MSH3: variants seen among roughly 807,000 people sequenced by gnomAD.
MSH3 encodes mutS homolog 3, also known as DNA mismatch repair protein Msh3.
In MSH3, 106 loss-of-function variants were observed where a neutral mutation model predicts 123.3. The ratio of observed to expected loss-of-function variants is 0.86; its 90% CI spans 0.73 to 1.01. The LOEUF is 1.01. Ranked by LOEUF, MSH3 falls within the 50% of genes least tolerant of loss-of-function variation. The pLI is 0.00. For synonymous variants in MSH3, 515 were observed against 481.4 expected (o/e 1.07, Z -0.91); for missense variants, 1,459 against 1,347.6 (o/e 1.08, Z -1.29).
rs1744630680 is a variant in MSH3 at position 80,792,782 on chromosome 5, C to G, written c.2593C>G (p.Pro865Ala). The G allele has an allele frequency of 6.2e-7, 1 of 1,613,184 alleles. No homozygotes were observed. Among genetic ancestry groups the G allele is most frequent in the Middle Eastern group, 1.7e-4 (1 of 6,046 alleles). ...RKIVIKNGRH[P>A]VIDVLLGEQD... Reference sequence around the variant, plus strand: ...AATTGTAATAAAAAATGGAAGGCACCCTGTGATTGATGTGTTGCTGGGAGA... The same window carrying G: ...AATTGTAATAAAAAATGGAAGGCACGCTGTGATTGATGTGTTGCTGGGAGA... The change falls in exon 19 of 24, where the codon CCT (proline) becomes GCT (alanine). Residue 865 changes from proline (P) to alanine (A), a missense_variant. Physicochemically the swap from Pro to Ala is conservative, Grantham distance 27. Coordinates refer to ENST00000265081, the MANE Select transcript of MSH3 (RefSeq NM_002439.5).
At chr5:80,658,206 G>A (rs986752415) in intron 2 of MSH3, among the ~76,000 whole-genome samples, 7 of 151,520 alleles carry the variant, frequency 4.6e-5, no homozygotes, top group African/African-American at 1.7e-4. Context: ...TTACAGGTGC[G>A]TGCCACCACA....
intron 8 of MSH3, among the ~76,000 whole-genome samples, chr5:80,709,768 TTTC>T (rs1324190729): frequency 1.3e-5 from 2 of 152,196 alleles, no homozygotes; most frequent in Non-Finnish European, 2.9e-5. Flanking sequence ...AGGAACTTCT[TTTC>T]TTCTTGTATT....
Position 80,722,395 on chromosome 5 carries a change from G to C in MSH3, c.1341-3058G>C, listed in dbSNP as rs141362265. Among the ~76,000 whole-genome samples the C allele has an allele frequency of 3.3e-3, 497 of 152,296 alleles. 5 individuals are homozygous for C. The highest frequency in any genetic ancestry group is 0.011 in the African/African-American group (477 of 41,566). Reference sequence around the variant, plus strand: ...CTTTACTTTACAGATAACTTTTGATGTTCTTAGATCATTAGATATACCTAC... The same window carrying C: ...CTTTACTTTACAGATAACTTTTGATCTTCTTAGATCATTAGATATACCTAC... On this transcript the variant is annotated intron_variant, in intron 8 of 23. Coordinates refer to ENST00000265081, the MANE Select transcript of MSH3 (RefSeq NM_002439.5).
intron 17 of MSH3, among the ~76,000 whole-genome samples, chr5:80,779,314 A>C (rs1744367199): frequency 6.6e-6 from 1 of 152,026 alleles, no homozygotes; most frequent in South Asian, 2.1e-4. Context: ...CTTAAAATCT[A>C]CTGAAAGTTA....
At chr5:80,697,137 G>T (rs553988397) in intron 8 of MSH3, among the ~76,000 whole-genome samples, 2 of 152,200 alleles carry the variant, frequency 1.3e-5, no homozygotes, top group South Asian at 2.1e-4. Flanking sequence ...TACGAAGCTT[G>T]CCCTTTCTTG....
intron 20 of MSH3, among the ~76,000 whole-genome samples, chr5:80,839,430 C>T (rs1382633994): frequency 2.0e-5 from 3 of 152,076 alleles, no homozygotes; most frequent in East Asian, 1.9e-4. Context: ...TATCTGGGCA[C>T]GCTCTATATT....
chr5:80,764,816 G>A lies in MSH3; in HGVS notation c.1897-3117G>A, dbSNP rs553082032. Among the ~76,000 whole-genome samples, 9 of 152,120 alleles carry A rather than the reference G, an allele frequency of 5.9e-5. No individual in the cohort carries two copies. In the South Asian group the frequency reaches 8.3e-4, roughly 14 times the overall value. ...TGGTGAATACATTTAAAGGATAATC[G>A]CACTTAGCAAATGTTGAGGAGAGTG... On this transcript the variant is annotated intron_variant, in intron 13 of 23. Coordinates refer to ENST00000265081, the MANE Select transcript of MSH3 (RefSeq NM_002439.5).
chr5:80,670,344 T>C (rs1355422362), intron 4 of MSH3, 35 bp downstream of exon 4: 1 of 1,588,596 alleles, frequency 6.3e-7, no homozygotes, highest in Non-Finnish European at 8.6e-7. Flanking sequence ...TTTATATTTT[T>C]CTTGTCTAGC....
intron 15 of MSH3, among the ~76,000 whole-genome samples, chr5:80,773,030 T>G (rs1322667468): frequency 6.6e-6 from 1 of 152,218 alleles, no homozygotes; most frequent in Non-Finnish European, 1.5e-5. Flanking sequence ...GTAGAACTTT[T>G]GATACTTACA....
In MSH3 at chr5:80,697,348, C is replaced by T. The variant is rs6151684; in HGVS notation, c.1340+18255C>T. Among the ~76,000 whole-genome samples the T allele has an allele frequency of 1.6e-4, 24 of 152,228 alleles. No homozygotes were observed. The East Asian group carries it at 4.4e-3, about 28-fold the overall frequency. The stretch of plus-strand genomic sequence containing the variant: ...GCCAAGTTACACCTGGTTTACTTAC[C>T]TGATATAATTTTAAGTGCTTCACAA... On this transcript the variant is annotated intron_variant, in intron 8 of 23. Transcript: ENST00000265081.
intron 8 of MSH3, among the ~76,000 whole-genome samples, chr5:80,719,088 G>A (rs909911040): frequency 6.7e-6 from 1 of 149,446 alleles, no homozygotes; most frequent in East Asian, 2.0e-4. Context: ...TTACTCTGTC[G>A]CCAGGCTGGA....
In MSH3 at chr5:80,654,855, C is replaced by T. The variant is rs928378977; in HGVS notation, c.128C>T (p.Ala43Val). ...AAATCCACCTCCTCCTCCACAGGTG[C>T]AGCCGACCAGGTGGACCCTGGCGCT... is the stretch of plus-strand genomic sequence containing the variant. ...SLKSTSSSTGAADQVDPGAAA... is the reference protein window; with the variant it reads ...SLKSTSSSTGVADQVDPGAAA... The change falls in exon 1 of 24, where the codon GCA (alanine) becomes GTA (valine). Residue 43 changes from alanine to valine, a missense_variant. Physicochemically the swap from Ala to Val is moderately conservative, Grantham distance 64 (BLOSUM62 0). Transcript: ENST00000265081. 2 of 1,604,530 alleles carry T rather than the reference C, an allele frequency of 1.2e-6. No individual in the cohort carries two copies. The highest frequency in any genetic ancestry group is 1.7e-4 in the Middle Eastern group (1 of 6,054).
rs1743617335 is a variant in MSH3, at chr5:80,741,688, T to C, written c.1653+140T>C. The C allele has an allele frequency of 2.0e-5, 14 of 700,454 alleles. No homozygotes were observed. The South Asian group carries it at 2.2e-4, about 11-fold the overall frequency. 43.4% of individuals were successfully genotyped at this position (700,454 alleles called of 1,614,324 possible). On this transcript the variant is annotated intron_variant, in intron 11 of 23. Coordinates refer to ENST00000265081, the MANE Select transcript of MSH3 (RefSeq NM_002439.5). ...CAGTATTAATTGATAACTGTAGCTC[T>C]TTTTGGAGAATGAACTGTACATAAT...
At chr5:80,867,398 T>C (rs1277263562) in intron 22 of MSH3, among the ~76,000 whole-genome samples, 5 of 152,216 alleles carry the variant, frequency 3.3e-5, no homozygotes, top group Admixed American at 3.3e-4. Context: ...GAACTTTTTC[T>C]CAGATGCCTT....
chr5:80,730,793 T>G (rs1743395492), intron 10 of MSH3, among the ~76,000 whole-genome samples: 1 of 151,610 alleles, frequency 6.6e-6, no homozygotes, highest in Non-Finnish European at 1.5e-5. Flanking sequence ...AGTATTAATG[T>G]TGGGATAAGG....
chr5:80,681,201 C>T (rs1009056560), intron 8 of MSH3, among the ~76,000 whole-genome samples: 1 of 152,116 alleles, frequency 6.6e-6, no homozygotes, highest in African/African-American at 2.4e-5. Flanking sequence ...TAATCCTTTT[C>T]TGACCATGTG....
chr5:80,720,096 T>C (rs1041731467), intron 8 of MSH3, among the ~76,000 whole-genome samples: 15 of 152,304 alleles, frequency 9.8e-5, no homozygotes, highest in African/African-American at 3.6e-4. Flanking sequence ...TGGCTTACAG[T>C]TTATTTCTTT....
intron 8 of MSH3, among the ~76,000 whole-genome samples, chr5:80,691,359 A>G (rs1297624148): frequency 6.6e-6 from 1 of 151,940 alleles, no homozygotes; most frequent in Non-Finnish European, 1.5e-5. Flanking sequence ...CCACAATAAT[A>G]TTATCTAAGA....
At chr5:80,734,230 A>G (rs1036788249) in intron 10 of MSH3, among the ~76,000 whole-genome samples, 14 of 152,226 alleles carry the variant, frequency 9.2e-5, no homozygotes, top group Non-Finnish European at 4.4e-5. Flanking sequence ...TTCCATTTAT[A>G]TGAAATGTCC....
Sources: gnomAD v4.1 joint callset for allele counts (sites outside exome capture counted in the v4.1 genomes callset) on GRCh38, gnomAD v4.1.1 for gene constraint, MANE v1.5 for transcripts, NCBI Gene and HGNC (gene_info 2026-07-23, HGNC 2026-07-21) for gene names.